Variants in HEMK2 observed in about 807,000 individuals in gnomAD.
HEMK2 encodes methyltransferase HEMK2.
the HEMK2 span, among the ~76,000 whole-genome samples, chr21:28,641,779 GTCTC>G: frequency 1.4e-4 from 22 of 152,182 alleles, no homozygotes; most frequent in African/African-American, 4.8e-4. Context: ...TTATTATCAA[GTCTC>G]TCTCTCTCAG....
chr21:28,740,460 C>T, the HEMK2 span, among the ~76,000 whole-genome samples: 9 of 152,152 alleles, frequency 5.9e-5, no homozygotes, highest in African/African-American at 2.2e-4. Context: ...CTTTACAGTC[C>T]GTTGGCTATC....
At chr21:28,881,625 A>ATTTTTTTTTTTTTTTTTTTTTTTT in the HEMK2 span, among the ~76,000 whole-genome samples, 1 of 100,798 alleles carries the variant, frequency 9.9e-6, no homozygotes, top group Non-Finnish European at 1.9e-5. Flanking sequence ...GAAGCCATCA[A>ATTTTTTTTTTTTTTTTTTTTTTTT]TTTTTTTTTT....
At chr21:28,843,106 A>G in the HEMK2 span, among the ~76,000 whole-genome samples, 2 of 152,146 alleles carry the variant, frequency 1.3e-5, no homozygotes, top group Non-Finnish European at 2.9e-5. Context: ...CTCTTACATG[A>G]GACTAATAGT....
chr21:28,593,095 C>T, the HEMK2 span, among the ~76,000 whole-genome samples: 1 of 152,092 alleles, frequency 6.6e-6, no homozygotes, highest in Non-Finnish European at 1.5e-5. Context: ...ACTTAGGAGG[C>T]TGAGACAGGA....
At chr21:28,589,191 C>G in the HEMK2 span, among the ~76,000 whole-genome samples, 1 of 151,934 alleles carries the variant, frequency 6.6e-6, no homozygotes, top group African/African-American at 2.4e-5. Flanking sequence ...AAAGTACAGG[C>G]AATTTTTTAG....
chr21:28,725,582 G>A, the HEMK2 span, among the ~76,000 whole-genome samples: 50 of 152,302 alleles, frequency 3.3e-4, no homozygotes, highest in East Asian at 2.9e-3. Flanking sequence ...AGACAAGAGT[G>A]AGGGCTTAGG....
chr21:28,627,885 T>C, the HEMK2 span, among the ~76,000 whole-genome samples: 1 of 152,150 alleles, frequency 6.6e-6, no homozygotes, highest in Non-Finnish European at 1.5e-5. Context: ...GTGTAGCCTT[T>C]GTAACATCAC....
the HEMK2 span, among the ~76,000 whole-genome samples, chr21:28,796,301 G>A: frequency 5.9e-5 from 9 of 151,894 alleles, no homozygotes; most frequent in Admixed American, 2.6e-4. Context: ...CACTACGTCC[G>A]GCTAATTTTT....
At chr21:28,705,926 G>A in the HEMK2 span, among the ~76,000 whole-genome samples, 3 of 152,308 alleles carry the variant, frequency 2.0e-5, no homozygotes, top group Non-Finnish European at 4.4e-5. Flanking sequence ...ATCACAATGG[G>A]AAAGGTTGTC....
chr21:28,811,440 G>A, the HEMK2 span, among the ~76,000 whole-genome samples: 4 of 145,966 alleles, frequency 2.7e-5, no homozygotes, highest in Admixed American at 1.4e-4. Context: ...AGAGAGGGAC[G>A]GACGCAGGGA....
At chr21:28,651,788 C>T in the HEMK2 span, among the ~76,000 whole-genome samples, 1 of 152,052 alleles carries the variant, frequency 6.6e-6, no homozygotes, top group African/African-American at 2.4e-5. Context: ...TATTAACATG[C>T]CATTATTTTG....
the HEMK2 span, among the ~76,000 whole-genome samples, chr21:28,820,291 AAAC>A: frequency 3.3e-5 from 5 of 152,154 alleles, no homozygotes; most frequent in African/African-American, 7.2e-5. Flanking sequence ...TGCCTCTCCC[AAAC>A]ACAAGCTGAA....
the HEMK2 span, among the ~76,000 whole-genome samples, chr21:28,877,671 A>C: frequency 6.6e-6 from 1 of 152,160 alleles, no homozygotes; most frequent in African/African-American, 2.4e-5. Flanking sequence ...AAAACTAGCA[A>C]TCATGTGATT....
the HEMK2 span, among the ~76,000 whole-genome samples, chr21:28,651,037 C>T: frequency 6.6e-6 from 1 of 151,970 alleles, no homozygotes; most frequent in Non-Finnish European, 1.5e-5. Context: ...GAGAGGAGAC[C>T]GTAGTTGGAA....
At chr21:28,608,161 AT>A in the HEMK2 span, among the ~76,000 whole-genome samples, 1 of 152,190 alleles carries the variant, frequency 6.6e-6, no homozygotes, top group Non-Finnish European at 1.5e-5. Context: ...AATTGAAAAT[AT>A]GGAACACTGA....
At chr21:28,755,105 G>T in the HEMK2 span, among the ~76,000 whole-genome samples, 1 of 145,404 alleles carries the variant, frequency 6.9e-6, no homozygotes, top group Admixed American at 6.7e-5. Flanking sequence ...GAAGTCCAGG[G>T]CAGTAGAAGA....
chr21:28,694,722 T>G, the HEMK2 span, among the ~76,000 whole-genome samples: 1 of 152,198 alleles, frequency 6.6e-6, no homozygotes, highest in Non-Finnish European at 1.5e-5. Context: ...CCGGACGCAG[T>G]GGCTCACGCC....
chr21:28,713,299 G>A, the HEMK2 span, among the ~76,000 whole-genome samples: 2 of 152,142 alleles, frequency 1.3e-5, no homozygotes, highest in Non-Finnish European at 2.9e-5. Flanking sequence ...GACAGCGAGA[G>A]CAAACATTCA....
the HEMK2 span, among the ~76,000 whole-genome samples, chr21:28,868,700 T>C: frequency 6.6e-6 from 1 of 152,188 alleles, no homozygotes; most frequent in African/African-American, 2.4e-5. Context: ...CAAAAAAGTA[T>C]TTTAATCAAA....
Sources: allele counts gnomAD v4.1 joint callset (sites outside exome capture counted in the v4.1 genomes callset), GRCh38; gene constraint gnomAD v4.1.1; transcripts MANE v1.5; gene names NCBI Gene and HGNC (gene_info 2026-07-23, HGNC 2026-07-21).